AKR1C8: variants seen among roughly 807,000 people sequenced by gnomAD.
AKR1C8 encodes the protein aldo-keto reductase family 1 member C-like protein 1.
At chr10:5,168,211 C>A in the AKR1C8 span, among the ~76,000 whole-genome samples, 1 of 151,934 alleles carries the variant, frequency 6.6e-6, no homozygotes, top group African/African-American at 2.4e-5. Context: ...GAAAAACAAC[C>A]CAGATCTTTG....
At chr10:5,134,284 C>T in the AKR1C8 span, among the ~76,000 whole-genome samples, 3 of 152,028 alleles carry the variant, frequency 2.0e-5, no homozygotes, top group African/African-American at 4.8e-5. Context: ...CAAAGTAAAC[C>T]GCTAGTGTTG....
the AKR1C8 span, among the ~76,000 whole-genome samples, chr10:5,126,230 C>A: frequency 6.6e-6 from 1 of 152,158 alleles, no homozygotes; most frequent in Non-Finnish European, 1.5e-5. Flanking sequence ...CATGGGTACA[C>A]CTATACACAG....
the AKR1C8 span, among the ~76,000 whole-genome samples, chr10:5,184,531 T>C: frequency 6.6e-6 from 1 of 152,174 alleles, no homozygotes; most frequent in African/African-American, 2.4e-5. Context: ...AGTATTCATT[T>C]TGGCTTTTGA....
the AKR1C8 span, among the ~76,000 whole-genome samples, chr10:5,179,456 C>G: frequency 1.2e-4 from 18 of 152,188 alleles, no homozygotes; most frequent in Admixed American, 9.8e-4. Context: ...AATTATGTAT[C>G]TTGGAGTTGC....
the AKR1C8 span, among the ~76,000 whole-genome samples, chr10:5,131,546 T>C: frequency 4.5e-4 from 69 of 151,778 alleles, 2 homozygotes; most frequent in East Asian, 4.1e-3. Flanking sequence ...TTCTCAAAAG[T>C]AGATATACAA....
At chr10:5,144,548 C>G in the AKR1C8 span, among the ~76,000 whole-genome samples, 1 of 150,356 alleles carries the variant, frequency 6.7e-6, no homozygotes, top group East Asian at 1.9e-4. Flanking sequence ...CTTTTATTTC[C>G]TTGAGCAGTG....
At chr10:5,147,622 A>T in the AKR1C8 span, among the ~76,000 whole-genome samples, 2 of 152,102 alleles carry the variant, frequency 1.3e-5, no homozygotes, top group African/African-American at 2.4e-5. Context: ...TCAACCTTAT[A>T]GTTCCAAGAT....
chr10:5,177,047 T>A, the AKR1C8 span, among the ~76,000 whole-genome samples: 1 of 152,050 alleles, frequency 6.6e-6, no homozygotes, highest in South Asian at 2.1e-4. Context: ...GGCATCCCTG[T>A]CTTGTGCCAG....
At chr10:5,142,181 C>T in the AKR1C8 span, among the ~76,000 whole-genome samples, 1 of 152,148 alleles carries the variant, frequency 6.6e-6, no homozygotes, top group Non-Finnish European at 1.5e-5. Flanking sequence ...AACATCTTCT[C>T]TGCCGCATCC....
At chr10:5,148,228 G>A in the AKR1C8 span, among the ~76,000 whole-genome samples, 3 of 152,100 alleles carry the variant, frequency 2.0e-5, no homozygotes, top group African/African-American at 4.8e-5. Flanking sequence ...GAGAGGAGGA[G>A]GAACATAGGA....
chr10:5,155,065 G>A, the AKR1C8 span: 1 of 152,132 alleles, frequency 6.6e-6, no homozygotes, highest in Non-Finnish European at 1.5e-5. Context: ...TTATATAGCT[G>A]AGGAAATGGG....
At chr10:5,168,803 T>G in the AKR1C8 span, among the ~76,000 whole-genome samples, 1 of 152,134 alleles carries the variant, frequency 6.6e-6, no homozygotes, top group Non-Finnish European at 1.5e-5. Context: ...TTGAAAACCC[T>G]AACTAGAGTT....
the AKR1C8 span, among the ~76,000 whole-genome samples, chr10:5,169,484 A>G: frequency 1.8e-3 from 89 of 48,308 alleles, 2 homozygotes; most frequent in South Asian, 0.035. Flanking sequence ...GGGTAAAAAC[A>G]TTAGTTCTTT....
chr10:5,118,310 C>T, the AKR1C8 span, among the ~76,000 whole-genome samples: 59 of 116,380 alleles, frequency 5.1e-4, no homozygotes, highest in Non-Finnish European at 5.1e-4. Flanking sequence ...CTTAAAGTTT[C>T]AAGGTAATTT....
chr10:5,156,977 G>A, the AKR1C8 span, among the ~76,000 whole-genome samples: 164 of 152,246 alleles, frequency 1.1e-3, no homozygotes, highest in South Asian at 6.0e-3. Flanking sequence ...GTCCAGAGTG[G>A]ATGTGGAGAA....
chr10:5,144,108 C>T, the AKR1C8 span, among the ~76,000 whole-genome samples: 39 of 152,188 alleles, frequency 2.6e-4, no homozygotes, highest in Non-Finnish European at 3.5e-4. Context: ...CCAGTTTTCC[C>T]GGCACCATTT....
chr10:5,126,933 G>GA, the AKR1C8 span, among the ~76,000 whole-genome samples: 1 of 152,040 alleles, frequency 6.6e-6, no homozygotes, highest in African/African-American at 2.4e-5. Context: ...AGACATTAAA[G>GA]AAAAACAGGG....
At chr10:5,132,279 T>C in the AKR1C8 span, among the ~76,000 whole-genome samples, 1 of 152,142 alleles carries the variant, frequency 6.6e-6, no homozygotes, top group Non-Finnish European at 1.5e-5. Flanking sequence ...ATCATCACTA[T>C]AGAATTCATT....
the AKR1C8 span, among the ~76,000 whole-genome samples, chr10:5,143,490 A>G: frequency 6.6e-6 from 1 of 152,102 alleles, no homozygotes; most frequent in Non-Finnish European, 1.5e-5. Context: ...TGGCCATGGC[A>G]CTGGCTTTCA....
Sources: gnomAD v4.1 joint callset for allele counts (sites outside exome capture counted in the v4.1 genomes callset) on GRCh38, gnomAD v4.1.1 for gene constraint, MANE v1.5 for transcripts, NCBI Gene and HGNC (gene_info 2026-07-23, HGNC 2026-07-21) for gene names.